The following DOCK4 variants were observed in gnomAD, a reference collection of about 807,000 sequenced individuals.
DOCK4 encodes dedicator of cytokinesis 4.
Under a neutral mutation model 268.1 loss-of-function variants are expected in DOCK4, and 97 were observed. The ratio of observed to expected loss-of-function variants is 0.36; its 90% CI spans 0.31 to 0.43. The LOEUF (loss-of-function observed/expected upper bound fraction) is 0.43. Among genes scored for constraint, DOCK4 ranks in the 20% least tolerant of loss-of-function variants. The pLI is 1.00. For synonymous variants in DOCK4, 954 were observed against 887.2 expected, an observed-to-expected ratio of 1.08 and a Z score of -1.34; for missense variants, 2,145 against 2,455.7, an observed-to-expected ratio of 0.87 and a Z score of 2.67.
intron 1 of DOCK4, among the ~76,000 whole-genome samples, chr7:112,024,701 C>T (rs1427791384): frequency 1.3e-5 from 2 of 152,218 alleles, no homozygotes; most frequent in African/African-American, 4.8e-5. Context: ...TCTCCACTGA[C>T]AGCCAGAGTG....
intron 1 of DOCK4, among the ~76,000 whole-genome samples, chr7:112,073,707 T>C (rs1807811022): frequency 6.6e-6 from 1 of 152,020 alleles, no homozygotes; most frequent in South Asian, 2.1e-4. Flanking sequence ...AAAAATAATT[T>C]TGAACACATG....
chr7:112,127,673 A>G (rs1022236420), intron 1 of DOCK4, among the ~76,000 whole-genome samples: 3 of 152,208 alleles, frequency 2.0e-5, no homozygotes, highest in African/African-American at 7.2e-5. Flanking sequence ...AAATAAAAAT[A>G]AAAACAACAA....
intron 12 of DOCK4, among the ~76,000 whole-genome samples, chr7:111,921,446 C>G (rs767637921): frequency 1.3e-5 from 2 of 152,162 alleles, no homozygotes; most frequent in African/African-American, 4.8e-5. Context: ...AAATGGAAAG[C>G]ATAGCATGAT....
rs183365892 is a variant in DOCK4, at chr7:111,975,444, A to C, written c.701+1688T>G. Among the ~76,000 whole-genome samples, 404 of 152,368 alleles carry C rather than the reference A, an allele frequency of 2.7e-3. 4 individuals carry two copies. Among genetic ancestry groups the C allele is most frequent in the African/African-American group, 9.4e-3 (391 of 41,582 alleles). On this transcript the variant is annotated intron_variant, in intron 8 of 52. Transcript: ENST00000428084. Reference sequence around the variant, plus strand: ...ACCCGTAAACCAGACACACTCCGACATATAAACAAATATTATCTCTAAATA... The same window carrying C: ...ACCCGTAAACCAGACACACTCCGACCTATAAACAAATATTATCTCTAAATA...
Position 111,998,432 on chromosome 7 carries a change from A to G in DOCK4, c.218+16T>C, listed in dbSNP as rs756744700. 1.3e-6 allele frequency: 2 copies of G among 1,553,184 alleles called. No individual in the cohort carries two copies. Among genetic ancestry groups the G allele is most frequent in the South Asian group, 2.4e-5 (2 of 83,124 alleles). On this transcript the variant is annotated intron_variant, in intron 4 of 52. Transcript: ENST00000428084. ...CTGTGAAAATCCTCCAACTACTAATAAAACTCATTTCTTACCCTTTGTTCT... is the reference window on the plus strand; with the variant it reads ...CTGTGAAAATCCTCCAACTACTAATGAAACTCATTTCTTACCCTTTGTTCT...
At position 112,205,489 on chromosome 7, in the gene DOCK4, C is replaced by T. The variant is rs1419312012; in HGVS notation, c.37+613G>A. 3.9e-5 allele frequency among the ~76,000 whole-genome samples: 6 copies of T among 152,282 alleles called. No individual in the cohort carries two copies. The East Asian group carries it at 1.2e-3, about 29-fold the overall frequency. On this transcript the variant is annotated intron_variant, in intron 1 of 52. Coordinates refer to ENST00000428084, the MANE Select transcript of DOCK4 (RefSeq NM_001363540.2). ...ATTTACCAATGCCCCCGCCCCGCAA[C>T]ATACACACCCCATAAATCCGGGATC...
chr7:111,990,933 C>T lies in DOCK4; in HGVS notation c.316-1770G>A, dbSNP rs1208845362. Among the ~76,000 whole-genome samples the T allele has an allele frequency of 2.6e-5, 4 of 152,260 alleles. No homozygotes were observed. In the South Asian group the frequency reaches 8.3e-4, roughly 32 times the overall value. On this transcript the variant is annotated intron_variant, in intron 5 of 52. Coordinates refer to ENST00000428084, the MANE Select transcript of DOCK4 (RefSeq NM_001363540.2). ...TGGATCTCAAGAGGTAGATTCTGTA[C>T]AGGCGATACAAACACTTGAGGAAGT...
intron 13 of DOCK4, among the ~76,000 whole-genome samples, chr7:111,908,896 G>A (rs2134470684): frequency 6.6e-6 from 1 of 152,292 alleles, no homozygotes; most frequent in East Asian, 1.9e-4. Flanking sequence ...ATTCCATGGT[G>A]TATATGTGCC....
chr7:111,866,518 G>C (rs1805987358), intron 22 of DOCK4, among the ~76,000 whole-genome samples: 1 of 152,194 alleles, frequency 6.6e-6, no homozygotes, highest in Admixed American at 6.5e-5. Flanking sequence ...AGGTGCTAAA[G>C]TTGTTTCTAA....
intron 8 of DOCK4, among the ~76,000 whole-genome samples, chr7:111,976,269 T>TTATATATA (rs60146972): frequency 1.1e-3 from 36 of 33,136 alleles, no homozygotes; most frequent in African/African-American, 1.6e-3. Flanking sequence ...TGTGTGTCTA[T>TTATATATA]TATATATATA....
chr7:112,149,228 C>A (rs1815810005), intron 1 of DOCK4, among the ~76,000 whole-genome samples: 1 of 152,026 alleles, frequency 6.6e-6, no homozygotes. Context: ...ATGGCGCTGC[C>A]ATCCCTTCGT....
At chr7:112,101,492 A>G (rs541656873) in intron 1 of DOCK4, among the ~76,000 whole-genome samples, 24 of 152,356 alleles carry the variant, frequency 1.6e-4, no homozygotes, top group African/African-American at 5.8e-4. Context: ...AAGGCTACCA[A>G]TCAGACCTAG....
chr7:111,928,745 C>T (rs1457667514), intron 12 of DOCK4, among the ~76,000 whole-genome samples: 3 of 151,932 alleles, frequency 2.0e-5, no homozygotes, highest in South Asian at 2.1e-4. Flanking sequence ...CGTGCCACCA[C>T]ACCCAGCTAA....
At chr7:111,751,871 A>G (rs114655118) in intron 42 of DOCK4, among the ~76,000 whole-genome samples, 8,204 of 152,200 alleles carry the variant, frequency 0.054, 274 homozygotes, top group African/African-American at 0.075. Context: ...TCTGGCCTCA[A>G]CTTCTGGAGT....
Position 111,727,089 on chromosome 7 carries a change from A to G in DOCK4, c.*1185T>C, listed in dbSNP as rs1794695141. On this transcript the variant is annotated 3_prime_UTR_variant, in exon 53 of 53. Coordinates refer to ENST00000428084, the MANE Select transcript of DOCK4 (RefSeq NM_001363540.2). ...AAGAAAAAACAAAGATATAAAATACATTACTACATACAAGGTGCTTTTTTC... is the reference window on the plus strand; with the variant it reads ...AAGAAAAAACAAAGATATAAAATACGTTACTACATACAAGGTGCTTTTTTC... 1 of 152,650 alleles carries G rather than the reference A, an allele frequency of 6.6e-6. No homozygotes were observed. The highest frequency in any genetic ancestry group is 2.1e-4 in the South Asian group (1 of 4,838). 9.5% of individuals were successfully genotyped at this position (152,650 alleles called of 1,614,324 possible).
At chr7:111,812,354 A>C (rs757779454) in intron 27 of DOCK4, among the ~76,000 whole-genome samples, 10 of 152,166 alleles carry the variant, frequency 6.6e-5, no homozygotes, top group African/African-American at 1.7e-4. Flanking sequence ...ATCATAGCTC[A>C]CTGCAGCCTC....
chr7:111,839,547 G>C (rs1489276438), intron 25 of DOCK4, among the ~76,000 whole-genome samples: 1 of 152,132 alleles, frequency 6.6e-6, no homozygotes, highest in African/African-American at 2.4e-5. Context: ...ATATACATAG[G>C]GGAACAACCT....
intron 16 of DOCK4, among the ~76,000 whole-genome samples, chr7:111,885,915 G>A (rs1807801740): frequency 6.6e-6 from 1 of 152,116 alleles, no homozygotes; most frequent in Admixed American, 6.5e-5. Flanking sequence ...GGCTCACAGT[G>A]TATTTCTTTC....
intron 44 of DOCK4, among the ~76,000 whole-genome samples, chr7:111,742,898 AG>A (rs1796016894): frequency 6.6e-6 from 1 of 152,116 alleles, no homozygotes; most frequent in Non-Finnish European, 1.5e-5. Context: ...TGGCTGAGGC[AG>A]GAGGATTGCT....
Sources: gnomAD v4.1 joint callset for allele counts (sites outside exome capture counted in the v4.1 genomes callset) on GRCh38, gnomAD v4.1.1 for gene constraint, MANE v1.5 for transcripts, NCBI Gene and HGNC (gene_info 2026-07-23, HGNC 2026-07-21) for gene names.